ROCK2: variants seen among roughly 807,000 people sequenced by gnomAD.
ROCK2 encodes rho-associated protein kinase 2.
Under a neutral mutation model 195.1 loss-of-function variants are expected in ROCK2, and 61 were observed. The ratio of observed to expected loss-of-function variants is 0.31; its 90% CI spans 0.25 to 0.39. The LOEUF (loss-of-function observed/expected upper bound fraction) is 0.39. ROCK2 is among the 10% of genes least tolerant of loss of function. The probability of loss-of-function intolerance (pLI) is 1.00; values close to 1 mark genes in which losing one functional copy is unlikely to be tolerated. For missense variants in ROCK2, 1,109 were observed against 1,637.4 expected, an observed-to-expected ratio of 0.68 and a Z score of 5.57; for synonymous variants, 504 against 545.5, an observed-to-expected ratio of 0.92 and a Z score of 1.06.
At chr2:11,263,406 T>C (rs748742123) in intron 3 of ROCK2, among the ~76,000 whole-genome samples, 4 of 151,828 alleles carry the variant, frequency 2.6e-5, no homozygotes, top group Non-Finnish European at 4.4e-5. Context: ...AATGTCTGGG[T>C]TGAACTGACA....
At position 11,232,131 on chromosome 2, in the gene ROCK2, T is replaced by C. The variant is rs1212037958; in HGVS notation, c.723+3571A>G. On this transcript the variant is annotated intron_variant, in intron 5 of 32. Coordinates refer to ENST00000315872, the MANE Select transcript of ROCK2 (RefSeq NM_004850.5). ...ATGAGAATAAAACTATGGACATTTC[T>C]TTTTTTTTTTCAGACAGGGTCTTGC... Among the ~76,000 whole-genome samples the C allele has an allele frequency of 1.7e-4, 10 of 59,632 alleles. No individual in the cohort carries two copies. In the South Asian group the frequency reaches 3.4e-3, roughly 20 times the overall value. The allele number at this position is 59,632 out of a possible 152,430, so 39.1% of individuals were successfully genotyped here.
At position 11,182,320 on chromosome 2, in the gene ROCK2, T is replaced by A. The variant is rs1572209253; in HGVS notation, c.*1117A>T. The A allele has an allele frequency of 6.6e-6, 1 of 152,294 alleles. No homozygotes were observed. Among genetic ancestry groups the A allele is most frequent in the Middle Eastern group, 3.4e-3 (1 of 294 alleles). The allele number at this position is 152,294 out of a possible 1,614,324, so 9.4% of individuals were successfully genotyped here. A position where few individuals can be genotyped will look rare whatever the true frequency, so the allele number is the denominator to read the frequency against. ...CTTTATATTTGGGAAAAATTTTGAATCTTAAGTGTGAAAATGTAATCACAA... is the reference window on the plus strand; with the variant it reads ...CTTTATATTTGGGAAAAATTTTGAAACTTAAGTGTGAAAATGTAATCACAA... On this transcript the variant is annotated 3_prime_UTR_variant, in exon 33 of 33. Coordinates refer to ENST00000315872, the MANE Select transcript of ROCK2 (RefSeq NM_004850.5).
chr2:11,197,283 G>A lies in ROCK2; in HGVS notation c.3345C>T (p.Asp1115=). The part of the protein sequence containing the change: ...LQMTLDSKDS[D]IEQLRSQLQA... ...GGAGTTGTGACCGCAGCTGCTCAATGTCACTGTCTTTACTGTCCAATGTCA... is the reference window on the plus strand; with the variant it reads ...GGAGTTGTGACCGCAGCTGCTCAATATCACTGTCTTTACTGTCCAATGTCA... The change falls in exon 27 of 33, where the codon GAC becomes GAT. Residue 1115 remains aspartate, a synonymous_variant. Coordinates refer to ENST00000315872, the MANE Select transcript of ROCK2 (RefSeq NM_004850.5). This position sits in a 1 kb window ranked among gnomAD's most constrained non-coding sequence, Gnocchi z 4.9. The A allele has an allele frequency of 1.2e-6, 2 of 1,614,012 alleles. No individual in the cohort carries two copies. The highest frequency in any genetic ancestry group is 4.5e-5 in the East Asian group (2 of 44,888).
chr2:11,303,360 G>C (rs901897037), intron 1 of ROCK2, among the ~76,000 whole-genome samples: 26 of 152,164 alleles, frequency 1.7e-4, no homozygotes, highest in African/African-American at 5.8e-4. Flanking sequence ...CTGAGAACTT[G>C]TACAAGCCTT....
rs759845445 is a variant in ROCK2 at position 11,197,248 on chromosome 2, T to C, written c.3380A>G (p.His1127Arg). 7.5e-5 allele frequency: 121 copies of C among 1,613,950 alleles called. No individual in the cohort carries two copies. Among genetic ancestry groups the C allele is most frequent in the Non-Finnish European group, 9.2e-5 (109 of 1,179,898 alleles). The change falls in exon 27 of 33, where the codon CAT becomes CGT. Residue 1127 changes from histidine (H) to arginine (R), a missense_variant. Physicochemically the swap from His to Arg is conservative, Grantham distance 29. Around this residue, in one of 6 missense-constraint regions of ROCK2, gnomAD observed 221 missense variants for 355.1 expected, o/e 0.62. Transcript: ENST00000315872. The surrounding 1 kb of genome is among the most constrained non-coding windows in gnomAD (Gnocchi z 4.9). Reference protein sequence around the residue: ...EQLRSQLQALHIGLDSSSIGS... With the variant: ...EQLRSQLQALRIGLDSSSIGS... ...TATACTGGAACTATCCAGACCAATA[T>C]GCAAGGCTTGGAGTTGTGACCGCAG...
intron 1 of ROCK2, among the ~76,000 whole-genome samples, chr2:11,341,697 T>C (rs568887620): frequency 2.9e-4 from 44 of 152,328 alleles, no homozygotes; most frequent in African/African-American, 1.0e-3. Flanking sequence ...AGACAAAATA[T>C]GTATTTCCCA....
At chr2:11,328,995 C>T (rs1255997762) in intron 1 of ROCK2, among the ~76,000 whole-genome samples, 1 of 151,244 alleles carries the variant, frequency 6.6e-6, no homozygotes, top group African/African-American at 2.4e-5. Flanking sequence ...TGCAGCACAC[C>T]AGCATGGCAC....
At chr2:11,317,477 G>T (rs1323761848) in intron 1 of ROCK2, among the ~76,000 whole-genome samples, 1 of 146,364 alleles carries the variant, frequency 6.8e-6, no homozygotes, top group African/African-American at 2.5e-5. Flanking sequence ...TTATGAAAAG[G>T]AAATAAAGGA....
intron 3 of ROCK2, among the ~76,000 whole-genome samples, chr2:11,251,619 C>CA (rs1665833278): frequency 6.6e-6 from 1 of 152,182 alleles, no homozygotes; most frequent in Non-Finnish European, 1.5e-5. Flanking sequence ...GACTTCATGA[C>CA]AAAAACACCA....
At chr2:11,234,276 C>G (rs750072383) in intron 5 of ROCK2, 6 of 152,098 alleles carry the variant, frequency 3.9e-5, no homozygotes, top group Admixed American at 6.6e-5. Flanking sequence ...ACACCTTGCT[C>G]TCCTTAACCA....
chr2:11,205,809 C>T (rs1454965858), intron 20 of ROCK2, among the ~76,000 whole-genome samples: 1 of 151,866 alleles, frequency 6.6e-6, no homozygotes, highest in East Asian at 1.9e-4. Flanking sequence ...ATATGTAAAA[C>T]CTTAATCAAG....
In ROCK2 at chr2:11,180,409, G is replaced by A. The variant is rs921183620; in HGVS notation, c.*3028C>T. 6.6e-6 allele frequency: 1 copy of A among 152,208 alleles called. No individual in the cohort carries two copies. The highest frequency in any genetic ancestry group is 6.5e-5 in the Admixed American group (1 of 15,294). The allele number at this position is 152,208 out of a possible 1,614,324, so 9.4% of individuals were successfully genotyped here. On this transcript the variant is annotated 3_prime_UTR_variant, in exon 33 of 33. Coordinates refer to ENST00000315872, the MANE Select transcript of ROCK2 (RefSeq NM_004850.5). ...TTTAAAGGCACTAACCTTTACTTTG[G>A]CTTTACTGGTATGCTTATCCATTAG...
intron 1 of ROCK2, among the ~76,000 whole-genome samples, chr2:11,313,367 A>G (rs7355446): frequency 0.78 from 118,043 of 151,858 alleles, 48,018 homozygotes; most frequent in East Asian, 0.94. Context: ...ACAAATTTAC[A>G]CTCTTCTACA....
chr2:11,250,774 C>T (rs992877775), intron 3 of ROCK2, among the ~76,000 whole-genome samples: 2 of 152,226 alleles, frequency 1.3e-5, no homozygotes, highest in African/African-American at 4.8e-5. Flanking sequence ...TTTCTAACTA[C>T]CTCCACTGAT....
rs1023068834 is a variant in ROCK2, at chr2:11,235,249, C to A, written c.723+453G>T. On this transcript the variant is annotated intron_variant, in intron 5 of 32. Coordinates refer to ENST00000315872, the MANE Select transcript of ROCK2 (RefSeq NM_004850.5). The surrounding 1 kb of genome is among the most constrained non-coding windows in gnomAD (Gnocchi z 4.2). ...AACAGATGATGTTCCCAAATTTATT[C>A]TGTGTGGTTGATGCAGAGGGAGTGA... Among the ~76,000 whole-genome samples the A allele has an allele frequency of 2.6e-4, 40 of 152,222 alleles. No homozygotes were observed. The highest frequency in any genetic ancestry group is 9.4e-4 in the African/African-American group (39 of 41,548).
intron 1 of ROCK2, among the ~76,000 whole-genome samples, chr2:11,294,335 T>A (rs1667448605): frequency 6.6e-6 from 1 of 152,246 alleles, no homozygotes; most frequent in African/African-American, 2.4e-5. Flanking sequence ...CAGCTGCTAT[T>A]GCAGAGTTCT....
intron 1 of ROCK2, among the ~76,000 whole-genome samples, chr2:11,341,559 T>C (rs1411615730): frequency 2.0e-5 from 3 of 152,200 alleles, no homozygotes; most frequent in African/African-American, 7.2e-5. Flanking sequence ...ATACAATCAT[T>C]TCTGGTGTAC....
At chr2:11,329,419 G>A (rs1210123144) in intron 1 of ROCK2, among the ~76,000 whole-genome samples, 1 of 146,396 alleles carries the variant, frequency 6.8e-6, no homozygotes, top group African/African-American at 2.5e-5. Context: ...ATATCATCCA[G>A]AAAGACAAAA....
intron 5 of ROCK2, among the ~76,000 whole-genome samples, chr2:11,229,688 GAAAGA>G: frequency 1.3e-5 from 2 of 149,334 alleles, no homozygotes; most frequent in East Asian, 3.9e-4. Context: ...AGAGAAGGTA[GAAAGA>G]AACAAAATAA....
Sources: gnomAD v4.1 joint callset for allele counts (sites outside exome capture counted in the v4.1 genomes callset) on GRCh38, gnomAD v4.1.1 for gene constraint, gnomAD v4.1.1 regional missense constraint, Gnocchi (gnomAD v3.1) non-coding constraint, MANE v1.5 for transcripts, NCBI Gene and HGNC (gene_info 2026-07-23, HGNC 2026-07-21) for gene names.